The following MAD1L1 variants were observed in gnomAD, a reference collection of about 807,000 sequenced individuals.
The protein encoded by MAD1L1 is mitotic spindle assembly checkpoint protein MAD1.
MAD1L1 carries 95 observed loss-of-function variants against 96.9 expected under a neutral mutation model. That is an observed-to-expected ratio of 0.98 (90% CI 0.83 to 1.16). The LOEUF (loss-of-function observed/expected upper bound fraction) is 1.16. MAD1L1 is among the 50% of genes most tolerant of loss of function. MAD1L1 has a pLI of 0.00. For missense variants in MAD1L1, 1,007 were observed against 954.4 expected, an observed-to-expected ratio of 1.06 and a Z score of -0.73; for synonymous variants, 473 against 396.6, an observed-to-expected ratio of 1.19 and a Z score of -2.29.
chr7:2,172,608 T>C (rs1790759325), intron 10 of MAD1L1, among the ~76,000 whole-genome samples: 1 of 152,246 alleles, frequency 6.6e-6, no homozygotes, highest in South Asian at 2.1e-4. Context: ...CTCGCCACCT[T>C]GGCCGGCTCA....
intron 18 of MAD1L1, among the ~76,000 whole-genome samples, chr7:1,843,344 G>A (rs1783390100): frequency 6.6e-6 from 1 of 152,164 alleles, no homozygotes; most frequent in Admixed American, 6.5e-5. Context: ...GCTGGCCCCG[G>A]GGAGCTCCTG....
At chr7:1,908,452 G>A (rs6970034) in intron 17 of MAD1L1, among the ~76,000 whole-genome samples, 68,380 of 151,694 alleles carry the variant, frequency 0.45, 15,624 homozygotes, top group Admixed American at 0.55. Context: ...CGCGATCGTG[G>A]CTCACTGTAG....
At chr7:1,958,022 G>A (rs1334387537) in intron 15 of MAD1L1, among the ~76,000 whole-genome samples, 2 of 152,354 alleles carry the variant, frequency 1.3e-5, no homozygotes, top group East Asian at 1.9e-4. Context: ...GAGGCAGGAC[G>A]CCTGGGAGTC....
In MAD1L1 at chr7:1,878,475, T is replaced by C. The variant is rs574109892; in HGVS notation, c.1998+19725A>G. Among the ~76,000 whole-genome samples, 5 of 152,140 alleles carry C rather than the reference T, an allele frequency of 3.3e-5. 1 individual carries two copies. The East Asian group carries it at 9.6e-4, about 29-fold the overall frequency. On this transcript the variant is annotated intron_variant, in intron 18 of 18. Transcript: ENST00000265854. Reference sequence around the variant, plus strand: ...AAAAGGGACCCAGTGCGGTTTATCCTAGGAATGCAAGTTAGGTTTAACATT... The same window carrying C: ...AAAAGGGACCCAGTGCGGTTTATCCCAGGAATGCAAGTTAGGTTTAACATT...
intron 12 of MAD1L1, among the ~76,000 whole-genome samples, chr7:2,046,199 G>C (rs896494508): frequency 6.6e-6 from 1 of 152,142 alleles, no homozygotes; most frequent in African/African-American, 2.4e-5. Context: ...TCCCTACAGA[G>C]GGGAGTCCCA....
chr7:2,149,790 T>C (rs1024775230), intron 10 of MAD1L1, among the ~76,000 whole-genome samples: 1 of 152,196 alleles, frequency 6.6e-6, no homozygotes, highest in Non-Finnish European at 1.5e-5. Context: ...GCTTCAAAGT[T>C]CAAAGTGCAC....
At chr7:1,820,146 G>C (rs1247585502) in intron 18 of MAD1L1, among the ~76,000 whole-genome samples, 3 of 152,120 alleles carry the variant, frequency 2.0e-5, no homozygotes, top group Non-Finnish European at 2.9e-5. Context: ...CAGGAAAACT[G>C]TAAGTGCCTG....
chr7:1,861,217 GGA>G (rs1266646857), intron 18 of MAD1L1, among the ~76,000 whole-genome samples: 1 of 152,176 alleles, frequency 6.6e-6, no homozygotes, highest in Non-Finnish European at 1.5e-5. Flanking sequence ...TAGGCTCTGG[GGA>G]GCAGGGCAGG....
chr7:2,157,464 G>A (rs564911602), intron 10 of MAD1L1, among the ~76,000 whole-genome samples: 13 of 152,300 alleles, frequency 8.5e-5, no homozygotes, highest in South Asian at 6.2e-4. Flanking sequence ...CTCCCGACAC[G>A]GAAGACGCTG....
At chr7:1,989,968 G>C (rs1263178113) in intron 14 of MAD1L1, among the ~76,000 whole-genome samples, 1 of 152,228 alleles carries the variant, frequency 6.6e-6, no homozygotes, top group African/African-American at 2.4e-5. Flanking sequence ...GGTTTAATTT[G>C]GGAAGATGCA....
At chr7:2,094,157 G>A (rs1379220745) in intron 11 of MAD1L1, among the ~76,000 whole-genome samples, 2 of 152,210 alleles carry the variant, frequency 1.3e-5, no homozygotes, top group Non-Finnish European at 2.9e-5. Flanking sequence ...GGAACAGGTG[G>A]CCTCAACGCC....
At chr7:1,969,011 G>A (rs1246425026) in intron 15 of MAD1L1, among the ~76,000 whole-genome samples, 1 of 152,158 alleles carries the variant, frequency 6.6e-6, no homozygotes, top group East Asian at 1.9e-4. Context: ...GGGTGAAGAG[G>A]GTATGAGAAC....
At chr7:1,958,239 G>A (rs971690277) in intron 15 of MAD1L1, among the ~76,000 whole-genome samples, 4 of 152,112 alleles carry the variant, frequency 2.6e-5, no homozygotes, top group African/African-American at 7.2e-5. Flanking sequence ...GCTTCCAGGC[G>A]ACCCATGGTG....
At chr7:2,105,343 A>C (rs1451605093) in intron 11 of MAD1L1, among the ~76,000 whole-genome samples, 4 of 150,612 alleles carry the variant, frequency 2.7e-5, no homozygotes, top group African/African-American at 7.3e-5. Flanking sequence ...CAGGGGAGGA[A>C]GGCCACTCAG....
intron 10 of MAD1L1, among the ~76,000 whole-genome samples, chr7:2,179,717 C>T (rs1038725341): frequency 6.6e-6 from 1 of 152,016 alleles, no homozygotes; most frequent in African/African-American, 2.4e-5. Flanking sequence ...CGCCTGTAAT[C>T]CCAGCACTTT....
intron 12 of MAD1L1, among the ~76,000 whole-genome samples, chr7:2,030,616 C>A (rs191004643): frequency 4.6e-5 from 7 of 152,330 alleles, no homozygotes; most frequent in African/African-American, 1.2e-4. Context: ...TGCCCATCTG[C>A]GCTTGACGAA....
At chr7:1,971,792 C>A (rs117106123) in intron 15 of MAD1L1, among the ~76,000 whole-genome samples, 2 of 152,152 alleles carry the variant, frequency 1.3e-5, no homozygotes, top group Admixed American at 1.3e-4. Flanking sequence ...CTGAATCCCA[C>A]GCCAGCAATG....
At chr7:1,899,227 G>A (rs891915217) in intron 17 of MAD1L1, among the ~76,000 whole-genome samples, 1 of 152,208 alleles carries the variant, frequency 6.6e-6, no homozygotes, top group Admixed American at 6.5e-5. Flanking sequence ...TTTCTCACCC[G>A]AGAGGCCTTC....
At chr7:1,908,919 C>T (rs375854343) in intron 17 of MAD1L1, among the ~76,000 whole-genome samples, 1 of 152,186 alleles carries the variant, frequency 6.6e-6, no homozygotes, top group African/African-American at 2.4e-5. Context: ...GGCGGCTGGG[C>T]GCCTGGCATG....
Sources: gnomAD v4.1 joint callset for allele counts (sites outside exome capture counted in the v4.1 genomes callset) on GRCh38, gnomAD v4.1.1 for gene constraint, MANE v1.5 for transcripts, NCBI Gene and HGNC (gene_info 2026-07-23, HGNC 2026-07-21) for gene names.